TOMM5: variants seen among roughly 807,000 people sequenced by gnomAD.
TOMM5 encodes the protein mitochondrial import receptor subunit TOM5 homolog.
TOMM5 carries 1 observed loss-of-function variant against 4.8 expected under a neutral mutation model. That is an observed-to-expected ratio of 0.21 (90% CI 0.07 to 0.99). The LOEUF (loss-of-function observed/expected upper bound fraction) is 0.99. TOMM5 is among the 50% of genes least tolerant of loss of function. The pLI is 0.60. For synonymous variants in TOMM5, 26 were observed against 26.7 expected (o/e 0.97, Z 0.08); for missense variants, 60 against 66.6 (o/e 0.90, Z 0.35).
chr9:37,592,550 A>T lies in TOMM5; in HGVS notation c.-18T>A. The T allele has an allele frequency of 6.2e-7, 1 of 1,607,488 alleles. No homozygotes were observed. Among genetic ancestry groups the T allele is most frequent in the Non-Finnish European group, 8.5e-7 (1 of 1,176,068 alleles). On this transcript the variant is annotated 5_prime_UTR_variant, in exon 1 of 2. Transcript: ENST00000321301. The stretch of plus-strand genomic sequence containing the variant: ...CGGAACATCGCGGCTCTGACTTAGC[A>T]GCTTCCAGCCGCCGCGCTCTGCTCT...
chr9:37,592,526 G>C lies in TOMM5; in HGVS notation c.7C>G (p.Arg3Gly). 1 of 1,612,732 alleles carries C rather than the reference G, an allele frequency of 6.2e-7. No homozygotes were observed. Among genetic ancestry groups the C allele is most frequent in the African/African-American group, 1.3e-5 (1 of 75,016 alleles). The change falls in exon 1 of 2, where the codon CGG (arginine) becomes GGG (glycine). Residue 3 changes from arginine (R) to glycine (G), a missense_variant. Transcript: ENST00000321301. ...AGCTTCGGCGCGAGGCCCTCAATCC[G>C]GAACATCGCGGCTCTGACTTAGCAG... is the stretch of plus-strand genomic sequence containing the variant. The part of the protein sequence containing the change: MF[R>G]IEGLAPKLDP...
chr9:37,592,044 A>C (rs909653151), intron 1 of TOMM5, among the ~76,000 whole-genome samples: 10 of 151,812 alleles, frequency 6.6e-5, no homozygotes, highest in African/African-American at 2.4e-4. Flanking sequence ...TAGCCTCCCG[A>C]GGAGCTGGGA....
rs1823128144 is a variant in TOMM5 at position 37,592,587 on chromosome 9, GC to G, written c.-56del. 25 of 1,579,058 alleles carry G rather than the reference GC, an allele frequency of 1.6e-5. No individual in the cohort carries two copies. In the South Asian group the frequency reaches 2.8e-4, roughly 18 times the overall value. On this transcript the variant is annotated 5_prime_UTR_variant, in exon 1 of 2. Coordinates refer to ENST00000321301, the MANE Select transcript of TOMM5 (RefSeq NM_001001790.3). Reference sequence around the variant, plus strand: ...CCGCGCTCTGCTCTCCACGGTGGCCGCCTCGCGCCCGGAACTCGGCCTATCC... The same window carrying G: ...CCGCGCTCTGCTCTCCACGGTGGCCGCTCGCGCCCGGAACTCGGCCTATCC...
intron 1 of TOMM5, among the ~76,000 whole-genome samples, chr9:37,590,326 G>A (rs1350409349): frequency 1.2e-4 from 18 of 152,058 alleles, no homozygotes. Flanking sequence ...AGCCTGGGAG[G>A]TCGAGGTTGC....
At position 37,588,924 on chromosome 9, in the gene TOMM5, T is replaced by A. The variant is rs1056363257; in HGVS notation, c.130A>T (p.Ile44Phe). 2.5e-6 allele frequency: 4 copies of A among 1,613,052 alleles called. No individual in the cohort carries two copies. The highest frequency in any genetic ancestry group is 1.3e-5 in the African/African-American group (1 of 75,014). ...YVALLRVTPF[I>F]LKKLDSI ...CATATGCTGTCCAATTTCTTTAAGATAAATGGAGCTGAAAGAAAAACAAAT... is the reference window on the plus strand; with the variant it reads ...CATATGCTGTCCAATTTCTTTAAGAAAAATGGAGCTGAAAGAAAAACAAAT... The change falls in exon 2 of 2, where the codon ATC (isoleucine) becomes TTC (phenylalanine). Residue 44 changes from isoleucine (I) to phenylalanine (F), a missense_variant. Coordinates refer to ENST00000321301, the MANE Select transcript of TOMM5 (RefSeq NM_001001790.3).
chr9:37,589,075 G>A, intron 1 of TOMM5, 143 bp from the exon 2 acceptor site: 1 of 669,184 alleles, frequency 1.5e-6, no homozygotes, highest in South Asian at 2.0e-5. Flanking sequence ...CCAGCAAAAG[G>A]GACTAGTTGC....
chr9:37,591,100 C>G (rs189201064), intron 1 of TOMM5, among the ~76,000 whole-genome samples: 7 of 152,296 alleles, frequency 4.6e-5, no homozygotes, highest in African/African-American at 1.2e-4. Context: ...GTTCCTATAA[C>G]TCTGATACCT....
At chr9:37,591,018 A>G (rs1323253057) in intron 1 of TOMM5, among the ~76,000 whole-genome samples, 1 of 152,206 alleles carries the variant, frequency 6.6e-6, no homozygotes, top group East Asian at 1.9e-4. Context: ...TGGAAAGGAT[A>G]CTGAATTGAG....
chr9:37,588,789 G>T lies in TOMM5; in HGVS notation c.*109C>A. 9.2e-7 allele frequency: 1 copy of T among 1,090,058 alleles called. No individual in the cohort carries two copies. Among genetic ancestry groups the T allele is most frequent in the Non-Finnish European group, 1.4e-6 (1 of 706,700 alleles). The allele number at this position is 1,090,058 out of a possible 1,614,324, so 67.5% of individuals were successfully genotyped here. ...TTGTTCTTAACAAGCAGAATTTTAT[G>T]TCCATTCAAAGAGTCTCTTACACCT... On this transcript the variant is annotated 3_prime_UTR_variant, in exon 2 of 2. Coordinates refer to ENST00000321301, the MANE Select transcript of TOMM5 (RefSeq NM_001001790.3).
At chr9:37,592,198 AAC>A (rs1823113495) in intron 1 of TOMM5, 1 of 1,503,464 alleles carries the variant, frequency 6.7e-7, no homozygotes, top group African/African-American at 1.4e-5. Context: ...AGGATGATTA[AAC>A]ACGCGCGCCG....
At chr9:37,591,460 G>C (rs1168561409) in intron 1 of TOMM5, among the ~76,000 whole-genome samples, 1 of 152,130 alleles carries the variant, frequency 6.6e-6, no homozygotes, top group Non-Finnish European at 1.5e-5. Context: ...GGAGGCTGAG[G>C]CAGGTGGATC....
chr9:37,592,325 GA>G, intron 1 of TOMM5, 86 bp downstream of exon 1: 1 of 1,597,268 alleles, frequency 6.3e-7, no homozygotes, highest in Non-Finnish European at 8.5e-7. Flanking sequence ...AGCTCAGTTC[GA>G]AGGCCCCGAT....
rs777948885 is a variant in TOMM5, at chr9:37,588,733, T to C, written c.*165A>G. 41 of 724,402 alleles carry C rather than the reference T, an allele frequency of 5.7e-5. No individual in the cohort carries two copies. Among genetic ancestry groups the C allele is most frequent in the Middle Eastern group, 3.5e-4 (1 of 2,882 alleles). The allele number at this position is 724,402 out of a possible 1,614,324, so 44.9% of individuals were successfully genotyped here. ...ATACTTCCCAAATAGTTTTATATTT[T>C]AGCTTTGAAGGTCAGTTACCAGAGC... On this transcript the variant is annotated 3_prime_UTR_variant, in exon 2 of 2. Coordinates refer to ENST00000321301, the MANE Select transcript of TOMM5 (RefSeq NM_001001790.3).
chr9:37,589,617 A>AT (rs1215495152), intron 1 of TOMM5, among the ~76,000 whole-genome samples: 1 of 152,108 alleles, frequency 6.6e-6, no homozygotes, highest in Non-Finnish European at 1.5e-5. Context: ...TGTTAACATT[A>AT]TTTTATTTAT....
intron 1 of TOMM5, among the ~76,000 whole-genome samples, chr9:37,591,714 A>G (rs1441126841): frequency 6.6e-6 from 1 of 151,030 alleles, no homozygotes; most frequent in Non-Finnish European, 1.5e-5. Context: ...AAAAAAGAAA[A>G]GAAAAGAAAG....
Position 37,589,813 on chromosome 9 carries a change from C to T in TOMM5, c.122-881G>A, listed in dbSNP as rs190689852. On this transcript the variant is annotated intron_variant, in intron 1 of 1. Coordinates refer to ENST00000321301, the MANE Select transcript of TOMM5 (RefSeq NM_001001790.3). ...CTGGAATTACAGGCATGAGCCACTG[C>T]GCCCAGCTCAATTTCTTAATATTAA... Among the ~76,000 whole-genome samples, 62 of 152,176 alleles carry T rather than the reference C, an allele frequency of 4.1e-4. 1 individual carries two copies. The East Asian group carries it at 0.01, about 25-fold the overall frequency.
At chr9:37,591,704 AAAAAAG>A (rs1347521355) in intron 1 of TOMM5, among the ~76,000 whole-genome samples, 6 of 151,692 alleles carry the variant, frequency 4.0e-5, no homozygotes, top group African/African-American at 7.3e-5. Flanking sequence ...GGAAAAAAAA[AAAAAAG>A]AAAAGAAAAG....
intron 1 of TOMM5, among the ~76,000 whole-genome samples, chr9:37,590,366 T>TAG (rs1823081387): frequency 1.3e-5 from 2 of 151,688 alleles, no homozygotes; most frequent in Non-Finnish European, 2.9e-5. Flanking sequence ...AGCCTCCACC[T>TAG]CTGCACACTA....
intron 1 of TOMM5, among the ~76,000 whole-genome samples, chr9:37,590,278 A>G (rs73441361): frequency 0.034 from 5,244 of 152,218 alleles, 290 homozygotes; most frequent in African/African-American, 0.12. Flanking sequence ...TGCAGTCTCA[A>G]TTACTCAGGA....
Sources: allele counts gnomAD v4.1 joint callset (sites outside exome capture counted in the v4.1 genomes callset), GRCh38; gene constraint gnomAD v4.1.1; transcripts MANE v1.5; gene names NCBI Gene and HGNC (gene_info 2026-07-23, HGNC 2026-07-21).